The following SAP18 variants were observed in gnomAD, a reference collection of about 807,000 sequenced individuals.
SAP18 encodes histone deacetylase complex subunit SAP18.
A neutral mutation model predicts 18.6 loss-of-function variants in SAP18; 4 were observed. The observed-to-expected ratio is 0.21, with a 90% CI of 0.11 to 0.49. The LOEUF (loss-of-function observed/expected upper bound fraction) is 0.49, where lower values mean the gene tolerates loss of function less well. Ranked by LOEUF, SAP18 falls within the 20% of genes least tolerant of loss-of-function variation. SAP18 has a pLI of 0.98. For synonymous variants in SAP18, 112 were observed against 82.8 expected (o/e 1.35, Z -1.92); for missense variants, 170 against 226.4 (o/e 0.75, Z 1.60).
In SAP18 at chr13:21,142,570, A is replaced by AGCCTCAGCCT. The variant is rs1565986039; in HGVS notation, c.239+1575_239+1576insGCCTCAGCCT. ...TCGAACTCCTGACCTCAAGTGATCC[A>AGCCTCAGCCT]CCCACCTTGGCTTCCCAAAGTGGTA... On this transcript the variant is annotated intron_variant, in intron 2 of 3. Transcript: ENST00000621421. Among the ~76,000 whole-genome samples, 141 of 151,922 alleles carry AGCCTCAGCCT rather than the reference A, an allele frequency of 9.3e-4. 1 individual carries two copies. The highest frequency in any genetic ancestry group is 3.3e-3 in the African/African-American group (136 of 41,382).
chr13:21,140,422 A>G, upstream of SAP18: 1 of 1,024,472 alleles, frequency 9.8e-7, no homozygotes, highest in Non-Finnish European at 1.4e-6. Context: ...CCTTTTCCCG[A>G]AGTCGCAACA....
At chr13:21,141,804 T>C (rs1319958608) in intron 2 of SAP18, among the ~76,000 whole-genome samples, 1 of 151,834 alleles carries the variant, frequency 6.6e-6, no homozygotes, top group Non-Finnish European at 1.5e-5. Flanking sequence ...GTAGCTGGGA[T>C]TACAGGTGTC....
rs201454186 is a variant in SAP18, at chr13:21,140,531, C to G, written c.-22C>G. The stretch of plus-strand genomic sequence containing the variant: ...GCCGACTATAAAGTGTCGAGCTTCT[C>G]CTCGCGAGAGACTTAGTGCTCATGC... On this transcript the variant is annotated 5_prime_UTR_variant, in exon 1 of 4. Coordinates refer to ENST00000621421, the Ensembl canonical transcript of SAP18. 2.6e-5 allele frequency: 40 copies of G among 1,564,330 alleles called. 1 individual carries two copies. Among genetic ancestry groups the G allele is most frequent in the South Asian group, 4.7e-5 (4 of 84,998 alleles).
At chr13:21,143,202 G>A (rs1445375041) in intron 2 of SAP18, among the ~76,000 whole-genome samples, 1 of 152,072 alleles carries the variant, frequency 6.6e-6, no homozygotes, top group Non-Finnish European at 1.5e-5. Flanking sequence ...TGTTTGTGTC[G>A]CTGCTTTCAG....
exon 1 of SAP18, chr13:21,140,532 C>G: frequency 4.5e-6 from 7 of 1,565,536 alleles, no homozygotes; most frequent in Middle Eastern, 1.7e-4. Context: ...CGAGCTTCTC[C>G]TCGCGAGAGA....
Position 21,140,867 on chromosome 13 carries a change from C to T in SAP18, c.130-19C>T. 1 of 1,604,964 alleles carries T rather than the reference C, an allele frequency of 6.2e-7. No homozygotes were observed. On this transcript the variant is annotated intron_variant, in intron 1 of 3. Coordinates refer to ENST00000621421, the Ensembl canonical transcript of SAP18. ...CTGGTGTTTTTAACTTCTGCCCTTCCGTTTTCTCTCTCCCTCAGACATGCC... is the reference window on the plus strand; with the variant it reads ...CTGGTGTTTTTAACTTCTGCCCTTCTGTTTTCTCTCTCCCTCAGACATGCC...
At chr13:21,147,531 C>T in exon 4 of SAP18, 1 of 584,138 alleles carries the variant, frequency 1.7e-6, no homozygotes, top group Non-Finnish European at 3.0e-6. Context: ...TCAAGCCCTT[C>T]TGTAAAATAT....
intron 2 of SAP18, among the ~76,000 whole-genome samples, chr13:21,143,119 T>C (rs1869528837): frequency 6.6e-6 from 1 of 152,224 alleles, no homozygotes; most frequent in Non-Finnish European, 1.5e-5. Context: ...ACTCATCTAT[T>C]GATGGACACT....
At chr13:21,147,374 C>T (rs771451387) in exon 4 of SAP18, 17 of 1,577,922 alleles carry the variant, frequency 1.1e-5, no homozygotes, top group Non-Finnish European at 1.4e-5. Flanking sequence ...ATTTATTTTT[C>T]CGTCAGTTAT....
chr13:21,142,242 G>C (rs925142314), intron 2 of SAP18, among the ~76,000 whole-genome samples: 3 of 150,310 alleles, frequency 2.0e-5, no homozygotes, highest in Middle Eastern at 6.8e-3. Flanking sequence ...AGCTGAGATT[G>C]TGCCACTGTA....
intron 2 of SAP18, 162 bp from the exon 3 acceptor site, chr13:21,146,643 G>T: frequency 2.0e-6 from 1 of 510,464 alleles, no homozygotes. Context: ...GAGGCAAATA[G>T]TATTTTTAGC....
At chr13:21,145,210 G>C (rs1161692159) in intron 2 of SAP18, among the ~76,000 whole-genome samples, 1 of 151,738 alleles carries the variant, frequency 6.6e-6, no homozygotes, top group Non-Finnish European at 1.5e-5. Context: ...GGGATTACAG[G>C]CGTGCACCAA....
chr13:21,140,484 G>GA (rs904288486), upstream of SAP18: 17 of 1,491,212 alleles, frequency 1.1e-5, no homozygotes, highest in African/African-American at 2.2e-4. Context: ...CCTGCGCCAG[G>GA]AGACGCCCCG....
chr13:21,141,174 G>A (rs1869452694), intron 2 of SAP18, 179 bp downstream of exon 2: 2 of 601,924 alleles, frequency 3.3e-6, no homozygotes, highest in Non-Finnish European at 5.9e-6. Context: ...AGATTTGCCC[G>A]TATTGTAACG....
At chr13:21,143,499 G>T (rs1160852716) in intron 2 of SAP18, among the ~76,000 whole-genome samples, 1 of 152,156 alleles carries the variant, frequency 6.6e-6, no homozygotes, top group African/African-American at 2.4e-5. Context: ...TAGCTTATAT[G>T]GAAGAACTGT....
exon 2 of SAP18, chr13:21,140,931 C>T (rs1351411347): frequency 6.2e-7 from 1 of 1,613,854 alleles, no homozygotes. Context: ...TAACGGCCGC[C>T]ACCACCGAAT....
At chr13:21,140,499 G>GC, upstream of SAP18, 3 of 1,533,186 alleles carry the variant, frequency 2.0e-6, no homozygotes, top group African/African-American at 2.7e-5. Context: ...GCCCCGCCCA[G>GC]CCCCTGGCCG....
rs755147679 is a variant in SAP18, at chr13:21,141,037, C to CT, written c.239+43dup. 4 of 1,266,772 alleles carry CT rather than the reference C, an allele frequency of 3.2e-6. No individual in the cohort carries two copies. The South Asian group carries it at 4.8e-5, about 15-fold the overall frequency. The allele number at this position is 1,266,772 out of a possible 1,614,324, so 78.5% of individuals were successfully genotyped here. A position where few individuals can be genotyped will look rare whatever the true frequency, so the allele number is the denominator to read the frequency against. ...GGCCTCAGGGACCCGGGCCGGGAAC[C>CT]TGGAACAACAGTTAATTGCCTTTGC... is the stretch of plus-strand genomic sequence containing the variant. On this transcript the variant is annotated intron_variant, in intron 2 of 3. Coordinates refer to ENST00000621421, the Ensembl canonical transcript of SAP18.
intron 2 of SAP18, among the ~76,000 whole-genome samples, chr13:21,143,965 G>GA (rs1382806385): frequency 3.9e-5 from 6 of 152,154 alleles, no homozygotes; most frequent in African/African-American, 1.4e-4. Context: ...TCAATTTGGA[G>GA]AAGTAGACTG....
Sources: gnomAD v4.1 joint callset for allele counts (sites outside exome capture counted in the v4.1 genomes callset) on GRCh38, gnomAD v4.1.1 for gene constraint, MANE v1.5 for transcripts, NCBI Gene and HGNC (gene_info 2026-07-23, HGNC 2026-07-21) for gene names.